LBH: variants seen among roughly 807,000 people sequenced by gnomAD.
LBH encodes protein LBH.
In LBH, 7 loss-of-function variants were observed where a neutral mutation model predicts 12.5. That is an observed-to-expected ratio of 0.56 (90% CI 0.32 to 1.05). The LOEUF (loss-of-function observed/expected upper bound fraction) is 1.05. Ranked by LOEUF, LBH falls within the 50% of genes least tolerant of loss-of-function variation. The pLI is 0.04. For synonymous variants in LBH, 51 were observed against 50.1 expected (o/e 1.02, Z -0.08); for missense variants, 119 against 138.9 (o/e 0.86, Z 0.72).
chr2:30,246,829 T>C (rs1204229581), intron 2 of LBH, among the ~76,000 whole-genome samples: 2 of 133,606 alleles, frequency 1.5e-5, no homozygotes, highest in Admixed American at 7.5e-5. Flanking sequence ...CCCTCCCTCC[T>C]TTCTTTCTTT....
chr2:30,255,376 G>A (rs540018053), intron 2 of LBH, among the ~76,000 whole-genome samples: 1 of 139,948 alleles, frequency 7.1e-6, no homozygotes, highest in South Asian at 2.2e-4. Flanking sequence ...GGAAGACAGA[G>A]CCCAGAGTCG....
chr2:30,241,029 T>C (rs747474340), intron 2 of LBH, among the ~76,000 whole-genome samples: 1 of 152,266 alleles, frequency 6.6e-6, no homozygotes, highest in South Asian at 2.1e-4. Flanking sequence ...ATTTAAAATA[T>C]ACCTTGAACT....
intron 2 of LBH, among the ~76,000 whole-genome samples, chr2:30,242,346 C>T (rs552134231): frequency 1.4e-4 from 21 of 151,972 alleles, no homozygotes; most frequent in Admixed American, 3.9e-4. Flanking sequence ...TGGGTTCAAG[C>T]GATTCTCCTG....
At chr2:30,239,106 A>C (rs1233609180) in intron 2 of LBH, among the ~76,000 whole-genome samples, 1 of 150,036 alleles carries the variant, frequency 6.7e-6, no homozygotes, top group African/African-American at 2.5e-5. Flanking sequence ...GGCCCTTCCC[A>C]CTCCTTGTCA....
rs1678118668 is a variant in LBH at position 30,258,084 on chromosome 2, C to A, written c.*463C>A. 1 of 157,062 alleles carries A rather than the reference C, an allele frequency of 6.4e-6. No homozygotes were observed. The highest frequency in any genetic ancestry group is 6.1e-5 in the Admixed American group (1 of 16,400). The allele number at this position is 157,062 out of a possible 1,614,324, so 9.7% of individuals were successfully genotyped here. ...TTTTAAGAAAACATTGAGCAGAGAACTGCAGCCAGGATGCGCTCAGCAGAC... is the reference window on the plus strand; with the variant it reads ...TTTTAAGAAAACATTGAGCAGAGAAATGCAGCCAGGATGCGCTCAGCAGAC... On this transcript the variant is annotated 3_prime_UTR_variant, in exon 3 of 3. Coordinates refer to ENST00000395323, the MANE Select transcript of LBH (RefSeq NM_030915.4).
rs766099432 is a variant in LBH at position 30,259,911 on chromosome 2, C to A, written c.*2290C>A. On this transcript the variant is annotated 3_prime_UTR_variant, in exon 3 of 3. Coordinates refer to ENST00000395323, the MANE Select transcript of LBH (RefSeq NM_030915.4). ...GTAAAAATGCCTGTTGTGAGATGAA[C>A]CTCCTGTAACTTCTATCTGTTCTTT... 1.2e-4 allele frequency: 18 copies of A among 152,350 alleles called. No homozygotes were observed. The highest frequency in any genetic ancestry group is 2.4e-4 in the Non-Finnish European group (16 of 67,994). The allele number at this position is 152,350 out of a possible 1,614,324, so 9.4% of individuals were successfully genotyped here.
At chr2:30,249,010 A>C (rs910850597) in intron 2 of LBH, among the ~76,000 whole-genome samples, 10 of 144,804 alleles carry the variant, frequency 6.9e-5, no homozygotes, top group African/African-American at 2.9e-4. Flanking sequence ...GCAAGGCAGA[A>C]CAGAGTGAGG....
intron 2 of LBH, among the ~76,000 whole-genome samples, chr2:30,252,201 A>G (rs1250001871): frequency 6.6e-6 from 1 of 152,150 alleles, no homozygotes; most frequent in African/African-American, 2.4e-5. Flanking sequence ...CATGATAGTA[A>G]GTGAGATCTC....
chr2:30,256,053 C>T (rs1237323003), intron 2 of LBH, among the ~76,000 whole-genome samples: 1 of 152,290 alleles, frequency 6.6e-6, no homozygotes, highest in East Asian at 1.9e-4. Flanking sequence ...ACAGAGGCTT[C>T]TCTCTCTAGC....
intron 2 of LBH, among the ~76,000 whole-genome samples, chr2:30,252,531 G>A (rs960260982): frequency 3.3e-5 from 5 of 152,142 alleles, no homozygotes; most frequent in African/African-American, 9.7e-5. Flanking sequence ...GCGTGGTGGC[G>A]GGCGCCTGTC....
Position 30,257,741 on chromosome 2 carries a change from C to A in LBH, c.*120C>A. ...GTTCTGAAAATGTCAAACGAGGCTT[C>A]TGTTTTGCACCTGCAGATCACCGAG... is the stretch of plus-strand genomic sequence containing the variant. On this transcript the variant is annotated 3_prime_UTR_variant, in exon 3 of 3. Transcript: ENST00000395323. The A allele has an allele frequency of 1.5e-6, 1 of 679,198 alleles. No individual in the cohort carries two copies. Among genetic ancestry groups the A allele is most frequent in the Non-Finnish European group, 2.3e-6 (1 of 433,430 alleles). 42.1% of individuals were successfully genotyped at this position (679,198 alleles called of 1,614,324 possible).
At chr2:30,239,400 C>A (rs186620719) in intron 2 of LBH, among the ~76,000 whole-genome samples, 130 of 152,328 alleles carry the variant, frequency 8.5e-4, no homozygotes, top group East Asian at 2.7e-3. Context: ...CCGCCTCCTC[C>A]TCATTACCCC....
At chr2:30,246,758 T>C (rs1308866242) in intron 2 of LBH, among the ~76,000 whole-genome samples, 2 of 141,566 alleles carry the variant, frequency 1.4e-5, no homozygotes, top group African/African-American at 2.8e-5. Flanking sequence ...TCTTTTTTCC[T>C]TCCTTCTTTC....
At chr2:30,241,384 A>G (rs1677786347) in intron 2 of LBH, among the ~76,000 whole-genome samples, 1 of 150,306 alleles carries the variant, frequency 6.7e-6, no homozygotes. Context: ...GTATTTTATT[A>G]TTTTTATGCT....
chr2:30,252,585 C>A (rs923168150), intron 2 of LBH, among the ~76,000 whole-genome samples: 12 of 152,166 alleles, frequency 7.9e-5, no homozygotes, highest in Admixed American at 6.5e-4. Flanking sequence ...TGGCGTGAAC[C>A]CAGGAGGCGG....
chr2:30,232,021 G>T, intron 1 of LBH: 1 of 1,249,326 alleles, frequency 8.0e-7, no homozygotes, highest in Middle Eastern at 2.2e-4. Flanking sequence ...GTTTGTATTG[G>T]TTGGCGGGGG....
At chr2:30,256,384 C>A (rs894018809) in intron 2 of LBH, among the ~76,000 whole-genome samples, 1 of 152,184 alleles carries the variant, frequency 6.6e-6, no homozygotes, top group Non-Finnish European at 1.5e-5. Flanking sequence ...GATTTTGTTC[C>A]CAGCCTGCCT....
chr2:30,256,263 G>A (rs115016758), intron 2 of LBH, among the ~76,000 whole-genome samples: 1 of 152,144 alleles, frequency 6.6e-6, no homozygotes, highest in African/African-American at 2.4e-5. Context: ...CACAAAGTAG[G>A]CATTAAAAAA....
intron 1 of LBH, chr2:30,232,142 C>T (rs1416558712): frequency 1.3e-6 from 2 of 1,546,528 alleles, no homozygotes; most frequent in Non-Finnish European, 1.7e-6. Context: ...CCGGGCCCCT[C>T]CTCTTTTTCT....
Sources: allele counts gnomAD v4.1 joint callset (sites outside exome capture counted in the v4.1 genomes callset), GRCh38; gene constraint gnomAD v4.1.1; transcripts MANE v1.5; gene names NCBI Gene and HGNC (gene_info 2026-07-23, HGNC 2026-07-21).